The following MN1 variants were observed in gnomAD, a reference collection of about 807,000 sequenced individuals.
MN1 encodes the protein MN1 proto-oncogene, transcriptional regulator, also known as transcriptional activator MN1.
MN1 carries 19 observed loss-of-function variants against 86.9 expected under a neutral mutation model. The ratio of observed to expected loss-of-function variants is 0.22; its 90% confidence interval spans 0.15 to 0.32. The LOEUF (loss-of-function observed/expected upper bound fraction) is 0.32, where lower values mean the gene tolerates loss of function less well. Ranked by LOEUF, MN1 falls within the 10% of genes least tolerant of loss-of-function variation. MN1 has a pLI of 1.00. For missense variants in MN1, 1,841 were observed against 1,862.0 expected (o/e 0.99, Z 0.21); for synonymous variants, 928 against 849.6 (o/e 1.09, Z -1.60).
intron 1 of MN1, among the ~76,000 whole-genome samples, chr22:27,770,824 C>CT (rs879531754): frequency 1.1e-3 from 158 of 144,214 alleles, no homozygotes; most frequent in East Asian, 4.4e-3. Context: ...TGCCTGGCTA[C>CT]TTTTTTTTTT....
In MN1 at chr22:27,800,905, A is replaced by T; in HGVS notation, c.-362T>A. Reference sequence around the variant, plus strand: ...AAAAAGTTAAGTGGGGGGAATGGGGAGGGAAGGGGGTTGGGAGAGCAGAGC... The same window carrying T: ...AAAAAGTTAAGTGGGGGGAATGGGGTGGGAAGGGGGTTGGGAGAGCAGAGC... On this transcript the variant is annotated 5_prime_UTR_variant, in exon 1 of 2. Transcript: ENST00000302326. The T allele has an allele frequency of 4.6e-5, 15 of 329,520 alleles. No individual in the cohort carries two copies. Among genetic ancestry groups the T allele is most frequent in the Non-Finnish European group, 6.8e-5 (12 of 177,274 alleles). 20.4% of individuals were successfully genotyped at this position (329,520 alleles called of 1,614,324 possible). A position where few individuals can be genotyped will look rare whatever the true frequency, so the allele number is the denominator to read the frequency against.
At chr22:27,779,162 G>A (rs1449439314) in intron 1 of MN1, among the ~76,000 whole-genome samples, 1 of 152,094 alleles carries the variant, frequency 6.6e-6, no homozygotes, top group Non-Finnish European at 1.5e-5. Context: ...GTCTCTGGAT[G>A]GGGTCCTCAC....
chr22:27,755,098 C>T (rs1348674732), intron 1 of MN1, among the ~76,000 whole-genome samples: 1 of 152,186 alleles, frequency 6.6e-6, no homozygotes, highest in Admixed American at 6.5e-5. Flanking sequence ...CACCCACGGC[C>T]ATGTCACCAG....
chr22:27,800,605 C>G lies in MN1; in HGVS notation c.-62G>C. On this transcript the variant is annotated 5_prime_UTR_variant, in exon 1 of 2. Coordinates refer to ENST00000302326, the MANE Select transcript of MN1 (RefSeq NM_002430.3). ...ACAGCCGGCTCTCCGCGGCGCGCCT[C>G]CGGCCAGCTACTCGTTCCAGCCCAG... is the stretch of plus-strand genomic sequence containing the variant. 6.2e-7 allele frequency: 1 copy of G among 1,606,644 alleles called. No homozygotes were observed. The highest frequency in any genetic ancestry group is 8.5e-7 in the Non-Finnish European group (1 of 1,178,702).
intron 1 of MN1, among the ~76,000 whole-genome samples, chr22:27,785,948 C>T (rs944213729): frequency 6.6e-6 from 1 of 152,202 alleles, no homozygotes; most frequent in Admixed American, 6.5e-5. Flanking sequence ...AAATTGTATC[C>T]TCATCTCTCC....
In MN1 at chr22:27,800,957, C is replaced by G; in HGVS notation, c.-414G>C. ...ATCACCTTCTCAAGTCCGATTGGGTCTGCTGGGGAGCCCTCAGGACGCCGC... is the reference window on the plus strand; with the variant it reads ...ATCACCTTCTCAAGTCCGATTGGGTGTGCTGGGGAGCCCTCAGGACGCCGC... On this transcript the variant is annotated 5_prime_UTR_variant, in exon 1 of 2. Coordinates refer to ENST00000302326, the MANE Select transcript of MN1 (RefSeq NM_002430.3). 2 of 352,748 alleles carry G rather than the reference C, an allele frequency of 5.7e-6. No homozygotes were observed. Among genetic ancestry groups the G allele is most frequent in the South Asian group, 7.3e-5 (2 of 27,350 alleles). The allele number at this position is 352,748 out of a possible 1,614,324, so 21.9% of individuals were successfully genotyped here.
chr22:27,778,432 C>T (rs368688261), intron 1 of MN1, among the ~76,000 whole-genome samples: 4 of 152,214 alleles, frequency 2.6e-5, no homozygotes, highest in Admixed American at 6.5e-5. Context: ...CACAGGGGGA[C>T]GCCCACTCCT....
At chr22:27,766,831 G>T (rs1398247597) in intron 1 of MN1, among the ~76,000 whole-genome samples, 1 of 152,100 alleles carries the variant, frequency 6.6e-6, no homozygotes, top group Non-Finnish European at 1.5e-5. Flanking sequence ...TCCTCGTCCC[G>T]AAGGCTTCAC....
intron 1 of MN1, among the ~76,000 whole-genome samples, chr22:27,753,295 T>C (rs527421157): frequency 2.0e-5 from 3 of 152,166 alleles, no homozygotes; most frequent in Non-Finnish European, 2.9e-5. Flanking sequence ...GGAAACAGTG[T>C]CTCTTTGTGA....
At chr22:27,778,420 C>A (rs779882092) in intron 1 of MN1, among the ~76,000 whole-genome samples, 3 of 152,224 alleles carry the variant, frequency 2.0e-5, no homozygotes, top group Non-Finnish European at 4.4e-5. Context: ...AATGAGCCAT[C>A]CCACAGGGGG....
At chr22:27,776,755 G>T (rs560707101) in intron 1 of MN1, among the ~76,000 whole-genome samples, 2 of 152,078 alleles carry the variant, frequency 1.3e-5, no homozygotes, top group Non-Finnish European at 2.9e-5. Context: ...GCCCCAACTC[G>T]GGCGGACGCC....
In MN1 at chr22:27,798,975, T is replaced by TGC; in HGVS notation, c.1568_1569insGC (p.Gln524HisfsTer35). On this transcript the variant is annotated frameshift_variant, in exon 1 of 2. Coordinates refer to ENST00000302326, the MANE Select transcript of MN1 (RefSeq NM_002430.3). LOFTEE classifies it high-confidence loss of function. ...GCTGCTGCTGCTGCTGCTGCTGCTG[T>TGC]TGCAGGGACTGGTGGTCCGGGGCCG... 1 of 1,586,520 alleles carries TGC rather than the reference T, an allele frequency of 6.3e-7. No individual in the cohort carries two copies. Among genetic ancestry groups the TGC allele is most frequent in the Non-Finnish European group, 8.6e-7 (1 of 1,164,266 alleles).
intron 1 of MN1, among the ~76,000 whole-genome samples, chr22:27,773,947 C>A (rs1319114378): frequency 6.6e-6 from 1 of 152,164 alleles, no homozygotes; most frequent in Non-Finnish European, 1.5e-5. Flanking sequence ...AGCCACCGCG[C>A]CCGGCCTTGA....
At chr22:27,777,596 T>A (rs1932995928) in intron 1 of MN1, among the ~76,000 whole-genome samples, 1 of 150,046 alleles carries the variant, frequency 6.7e-6, no homozygotes, top group Admixed American at 6.6e-5. Context: ...CTGTGGCTCA[T>A]GCCTGTAATC....
chr22:27,795,307 TGC>T lies in MN1; in HGVS notation c.3781+1454_3781+1455del, dbSNP rs936295534. On this transcript the variant is annotated intron_variant, in intron 1 of 1. Transcript: ENST00000302326. ...ACCTAAGCGGGAAAGCTACCCGGGA[TGC>T]GCGCCTTGAAAGCCCCAAGTTCTGA... 2.6e-3 allele frequency among the ~76,000 whole-genome samples: 392 copies of T among 152,242 alleles called. 6 individuals carry two copies. Among genetic ancestry groups the T allele is most frequent in the Non-Finnish European group, 1.6e-3 (106 of 68,022 alleles).
rs771877692 is a variant in MN1 at position 27,797,904 on chromosome 22, T to C, written c.2640A>G (p.Pro880=). 1.2e-6 allele frequency: 2 copies of C among 1,601,696 alleles called. No individual in the cohort carries two copies. The highest frequency in any genetic ancestry group is 2.2e-5 in the South Asian group (2 of 89,976). The change falls in exon 1 of 2, where the codon CCA becomes CCG. Residue 880 remains proline, a synonymous_variant. Transcript: ENST00000302326. The part of the protein sequence containing the change: ...VAGNPGSDYF[P]GGTAPGAPGP... ...CTGGGGCCCCAGGAGCAGTCCCTCC[T>C]GGGAAGTAATCCGAGCCCGGGTTGC...
chr22:27,797,558 C>A lies in MN1; in HGVS notation c.2986G>T (p.Gly996Trp). The change falls in exon 1 of 2, where the codon GGG becomes TGG. Residue 996 changes from glycine to tryptophan, a missense_variant. By Grantham distance (184) the Gly-to-Trp change is radical. Coordinates refer to ENST00000302326, the MANE Select transcript of MN1 (RefSeq NM_002430.3). Reference sequence around the variant, plus strand: ...GCCTTTTCGTGGGGCGTCGGTGCCCCGCGCGTCTCGCCTGCGGAGCTTCCC... The same window carrying A: ...GCCTTTTCGTGGGGCGTCGGTGCCCAGCGCGTCTCGCCTGCGGAGCTTCCC... Reference protein sequence around the residue: ...VGGSSAGETRGAPTPHEKALT... With the variant: ...VGGSSAGETRWAPTPHEKALT... 1 of 1,607,276 alleles carries A rather than the reference C, an allele frequency of 6.2e-7. No individual in the cohort carries two copies.
Position 27,800,851 on chromosome 22 carries a change from A to G in MN1, c.-308T>C. The G allele has an allele frequency of 2.7e-5, 8 of 298,348 alleles. No homozygotes were observed. Among genetic ancestry groups the G allele is most frequent in the South Asian group, 1.2e-4 (2 of 16,822 alleles). The allele number at this position is 298,348 out of a possible 1,614,324, so 18.5% of individuals were successfully genotyped here. A position where few individuals can be genotyped will look rare whatever the true frequency, so the allele number is the denominator to read the frequency against. On this transcript the variant is annotated 5_prime_UTR_variant, in exon 1 of 2. Coordinates refer to ENST00000302326, the MANE Select transcript of MN1 (RefSeq NM_002430.3). The stretch of plus-strand genomic sequence containing the variant: ...CACAGCCGCGGGTGGGTCTGCGGGG[A>G]GGGGACGAAGCCGCGGATGAACGGA...
At position 27,796,806 on chromosome 22, in the gene MN1, C is replaced by T. The variant is rs767225766; in HGVS notation, c.3738G>A (p.Ala1246=). 1.9e-6 allele frequency: 3 copies of T among 1,608,480 alleles called. No homozygotes were observed. In the South Asian group the frequency reaches 3.3e-5, roughly 18 times the overall value. The change falls in exon 1 of 2, where the codon GCG becomes GCA. Residue 1246 remains alanine, a synonymous_variant. Transcript: ENST00000302326. ...TCTGGGGTTTGGCCTTCTCCCAGGG[C>T]GCCAACGTCTTGTCGTCGTCCGCGC... is the stretch of plus-strand genomic sequence containing the variant. ...VDSADDDKTL[A]PWEKAKPQNP... is the part of the protein sequence containing the mutation.
Sources: allele counts gnomAD v4.1 joint callset (sites outside exome capture counted in the v4.1 genomes callset), GRCh38; gene constraint gnomAD v4.1.1; transcripts MANE v1.5; gene names NCBI Gene and HGNC (gene_info 2026-07-23, HGNC 2026-07-21).